Variants in LRRC4C observed in about 807,000 individuals in gnomAD.
LRRC4C encodes the protein leucine rich repeat containing 4C, also known as leucine-rich repeat-containing protein 4C.
In LRRC4C, 5 loss-of-function variants were observed where a neutral mutation model predicts 33.6. The ratio of observed to expected loss-of-function variants is 0.15; its 90% CI spans 0.08 to 0.31. The LOEUF (loss-of-function observed/expected upper bound fraction) is 0.31. Among genes scored for constraint, LRRC4C ranks in the 10% least tolerant of loss-of-function variants. The pLI is 1.00. For synonymous variants in LRRC4C, 329 were observed against 302.0 expected (o/e 1.09, Z -0.93); for missense variants, 560 against 796.7 (o/e 0.70, Z 3.58).
In LRRC4C at chr11:40,114,321, A is replaced by G. The variant is rs770409497; in HGVS notation, c.*49T>C. The G allele has an allele frequency of 6.6e-7, 1 of 1,507,284 alleles. No individual in the cohort carries two copies. The highest frequency in any genetic ancestry group is 2.3e-5 in the East Asian group (1 of 43,694). The allele number at this position is 1,507,284 out of a possible 1,614,324, so 93.4% of individuals were successfully genotyped here. A position where few individuals can be genotyped will look rare whatever the true frequency, so the allele number is the denominator to read the frequency against. ...CCCAGTCATTTGTGTCATTTTTAAT[A>G]AACTGTCTTTTTTTTTGATTGTTTG... On this transcript the variant is annotated 3_prime_UTR_variant, in exon 7 of 7. Coordinates refer to ENST00000528697, the MANE Select transcript of LRRC4C (RefSeq NM_001258419.2).
intron 1 of LRRC4C, among the ~76,000 whole-genome samples, chr11:41,193,852 C>G (rs1946069304): frequency 6.6e-6 from 1 of 151,710 alleles, no homozygotes; most frequent in African/African-American, 2.4e-5. Context: ...GAAACTAAAG[C>G]AAAGGGTGGA....
chr11:40,394,331 A>G (rs1207739558), intron 3 of LRRC4C, among the ~76,000 whole-genome samples: 1 of 152,168 alleles, frequency 6.6e-6, no homozygotes, highest in African/African-American at 2.4e-5. Flanking sequence ...CCTTCTAAAA[A>G]TAACAGTGCA....
At chr11:41,142,338 G>A (rs1454283952) in intron 1 of LRRC4C, among the ~76,000 whole-genome samples, 1 of 152,156 alleles carries the variant, frequency 6.6e-6, no homozygotes, top group African/African-American at 2.4e-5. Flanking sequence ...CTTTATAGTA[G>A]CATCACTTGA....
In LRRC4C at chr11:41,206,077, G is replaced by A. The variant is rs549782084; in HGVS notation, c.-496+253354C>T. Among the ~76,000 whole-genome samples the A allele has an allele frequency of 9.2e-5, 14 of 152,156 alleles. No homozygotes were observed. The South Asian group carries it at 1.0e-3, about 11-fold the overall frequency. ...AAGAATTTATATACAACATAGAAAA[G>A]CTTTTTATGACAATTTCATAAAAAT... On this transcript the variant is annotated intron_variant, in intron 1 of 6. Transcript: ENST00000528697.
chr11:40,215,460 T>C (rs1207594145), intron 5 of LRRC4C, among the ~76,000 whole-genome samples: 1 of 152,158 alleles, frequency 6.6e-6, no homozygotes, highest in Non-Finnish European at 1.5e-5. Context: ...ATCCAATAAA[T>C]TGTAGAATGG....
At chr11:40,419,800 A>T (rs1950457666) in intron 3 of LRRC4C, among the ~76,000 whole-genome samples, 2 of 152,242 alleles carry the variant, frequency 1.3e-5, no homozygotes, top group Admixed American at 1.3e-4. Flanking sequence ...CATGAAGGCC[A>T]GATGGGCACT....
chr11:40,260,433 T>C (rs954862905), intron 4 of LRRC4C, among the ~76,000 whole-genome samples: 20 of 145,718 alleles, frequency 1.4e-4, no homozygotes, highest in African/African-American at 3.3e-4. Flanking sequence ...AGGGATAGCA[T>C]TGGGAGATAT....
chr11:41,387,677 CTG>C (rs1471823957), intron 1 of LRRC4C, among the ~76,000 whole-genome samples: 2 of 151,692 alleles, frequency 1.3e-5, no homozygotes, highest in East Asian at 3.9e-4. Context: ...ACCCTAATAA[CTG>C]TAAACAAAAT....
At chr11:41,289,951 G>T (rs1462783235) in intron 1 of LRRC4C, among the ~76,000 whole-genome samples, 2 of 152,170 alleles carry the variant, frequency 1.3e-5, no homozygotes, top group Non-Finnish European at 2.9e-5. Context: ...GACTTTACAA[G>T]TAGAGCTATT....
chr11:40,965,633 C>T (rs1169952589), intron 1 of LRRC4C, among the ~76,000 whole-genome samples: 1 of 152,070 alleles, frequency 6.6e-6, no homozygotes, highest in Non-Finnish European at 1.5e-5. Flanking sequence ...GGAATCCTTT[C>T]CCCATTGCTT....
intron 1 of LRRC4C, among the ~76,000 whole-genome samples, chr11:41,450,836 T>C (rs1955995798): frequency 6.6e-6 from 1 of 152,120 alleles, no homozygotes; most frequent in South Asian, 2.1e-4. Context: ...TTTCTTCTAA[T>C]TTCTCCTCGG....
chr11:40,583,786 T>A (rs528755982), intron 3 of LRRC4C, among the ~76,000 whole-genome samples: 4 of 151,836 alleles, frequency 2.6e-5, no homozygotes, highest in African/African-American at 9.7e-5. Flanking sequence ...GAAGTCAAGA[T>A]CAAACTTCAG....
chr11:41,392,612 G>A (rs1953648254), intron 1 of LRRC4C, among the ~76,000 whole-genome samples: 1 of 151,620 alleles, frequency 6.6e-6, no homozygotes, highest in African/African-American at 2.4e-5. Context: ...GTTTATTTGG[G>A]AATAATATCT....
chr11:41,342,388 T>C (rs1655733253), intron 1 of LRRC4C, among the ~76,000 whole-genome samples: 1 of 152,210 alleles, frequency 6.6e-6, no homozygotes, highest in East Asian at 1.9e-4. Context: ...CCTGGAATTA[T>C]TTAGAAATGA....
intron 1 of LRRC4C, among the ~76,000 whole-genome samples, chr11:41,301,164 A>G (rs139486164): frequency 9.5e-4 from 145 of 152,272 alleles, no homozygotes; most frequent in African/African-American, 3.4e-3. Flanking sequence ...GTGCTTTAGT[A>G]AGGATATGCA....
At chr11:41,370,862 A>G (rs1952721169) in intron 1 of LRRC4C, among the ~76,000 whole-genome samples, 1 of 152,214 alleles carries the variant, frequency 6.6e-6, no homozygotes, top group South Asian at 2.1e-4. Context: ...AATGAAAACA[A>G]ACACAAATAC....
chr11:40,484,874 T>A (rs879618087), intron 3 of LRRC4C, among the ~76,000 whole-genome samples: 7 of 152,222 alleles, frequency 4.6e-5, no homozygotes, highest in Non-Finnish European at 8.8e-5. Context: ...TAATTGGAAA[T>A]AATTTCTGCA....
intron 4 of LRRC4C, among the ~76,000 whole-genome samples, chr11:40,282,414 C>A (rs768898280): frequency 3.5e-4 from 54 of 152,116 alleles, no homozygotes; most frequent in Non-Finnish European, 5.9e-5. Flanking sequence ...CAAATCCTCA[C>A]GCTTTATCAT....
chr11:40,771,485 A>G (rs908965448), intron 2 of LRRC4C, among the ~76,000 whole-genome samples: 1 of 152,128 alleles, frequency 6.6e-6, no homozygotes, highest in Admixed American at 6.5e-5. Context: ...AATTTTCCCC[A>G]TTGTTTCAGT....
Sources: allele counts gnomAD v4.1 joint callset (sites outside exome capture counted in the v4.1 genomes callset), GRCh38; gene constraint gnomAD v4.1.1; transcripts MANE v1.5; gene names NCBI Gene and HGNC (gene_info 2026-07-23, HGNC 2026-07-21).